The following NKAIN2 variants were observed in gnomAD, a reference collection of about 807,000 sequenced individuals.
NKAIN2 encodes the protein sodium/potassium-transporting ATPase subunit beta-1-interacting protein 2.
NKAIN2 carries 14 observed loss-of-function variants against 32.6 expected under a neutral mutation model. The ratio of observed to expected loss-of-function variants is 0.43; its 90% CI spans 0.28 to 0.67. NKAIN2 has a LOEUF of 0.67. Among genes scored for constraint, NKAIN2 ranks in the 30% least tolerant of loss-of-function variants. NKAIN2 has a pLI of 0.17. For synonymous variants in NKAIN2, 80 were observed against 87.2 expected (o/e 0.92, Z 0.46); for missense variants, 198 against 258.3 (o/e 0.77, Z 1.60).
At chr6:124,798,520 C>T (rs1053399241) in intron 5 of NKAIN2, among the ~76,000 whole-genome samples, 12 of 152,080 alleles carry the variant, frequency 7.9e-5, no homozygotes, top group East Asian at 1.9e-4. Flanking sequence ...AGGCTTTGCA[C>T]GCCACTAATC....
At chr6:124,445,112 A>G (rs1225681943) in intron 3 of NKAIN2, among the ~76,000 whole-genome samples, 2 of 152,046 alleles carry the variant, frequency 1.3e-5, no homozygotes, top group Admixed American at 1.3e-4. Context: ...TTTAAGTTTA[A>G]AAAGTCTTTA....
chr6:124,346,319 G>A (rs571719028), intron 2 of NKAIN2, among the ~76,000 whole-genome samples: 1 of 152,146 alleles, frequency 6.6e-6, no homozygotes, highest in Admixed American at 6.5e-5. Flanking sequence ...TGTTGATTTA[G>A]GGTGGAGAGT....
chr6:124,197,837 GTTTT>G (rs71541243), intron 1 of NKAIN2, among the ~76,000 whole-genome samples: 15 of 94,426 alleles, frequency 1.6e-4, no homozygotes, highest in African/African-American at 4.2e-4. Flanking sequence ...CCTGTGTCTG[GTTTT>G]TTTTTTTTTT....
At chr6:124,775,094 T>G (rs575137472) in intron 4 of NKAIN2, among the ~76,000 whole-genome samples, 1 of 152,174 alleles carries the variant, frequency 6.6e-6, no homozygotes, top group African/African-American at 2.4e-5. Flanking sequence ...CAGTCAATAT[T>G]TGATAATCAA....
In NKAIN2 at chr6:123,856,225, T is replaced by C. The variant is rs1318694172; in HGVS notation, c.54+51971T>C. Among the ~76,000 whole-genome samples the C allele has an allele frequency of 3.9e-5, 6 of 152,236 alleles. No homozygotes were observed. In the East Asian group the frequency reaches 1.2e-3, roughly 29 times the overall value. On this transcript the variant is annotated intron_variant, in intron 1 of 6. Transcript: ENST00000368417. ...GTTTGAGAATTAACTAGAAGTCTCA[T>C]AACTTTCCTGACAGCTTTTTGATCC...
chr6:124,610,834 CT>C (rs963797127), intron 3 of NKAIN2, among the ~76,000 whole-genome samples: 19 of 151,894 alleles, frequency 1.3e-4, no homozygotes, highest in African/African-American at 2.9e-4. Context: ...TATTTTATGA[CT>C]TTTTTTTAAA....
rs181092046 is a variant in NKAIN2, at chr6:123,831,679, G to A, written c.54+27425G>A. ...TTTTTTTGTTTTTTTTTTTTGAGAC[G>A]GAGTTTTGCTCTGTCGCCCAGGCTG... On this transcript the variant is annotated intron_variant, in intron 1 of 6. Transcript: ENST00000368417. Among the ~76,000 whole-genome samples, 45 of 144,786 alleles carry A rather than the reference G, an allele frequency of 3.1e-4. 1 individual carries two copies. The highest frequency in any genetic ancestry group is 1.1e-3 in the African/African-American group (42 of 38,644). 95.0% of individuals were successfully genotyped at this position (144,786 alleles called of 152,430 possible). A position where few individuals can be genotyped will look rare whatever the true frequency, so the allele number is the denominator to read the frequency against.
intron 1 of NKAIN2, among the ~76,000 whole-genome samples, chr6:123,934,807 A>G (rs937310698): frequency 6.6e-6 from 1 of 151,992 alleles, no homozygotes; most frequent in African/African-American, 2.4e-5. Context: ...AATTTAAATA[A>G]AATTAGTAAA....
intron 1 of NKAIN2, among the ~76,000 whole-genome samples, chr6:123,961,097 T>C (rs1426390680): frequency 2.6e-5 from 4 of 152,104 alleles, no homozygotes; most frequent in African/African-American, 9.7e-5. Context: ...TTCAATTCTA[T>C]AGTCTGCAAT....
chr6:123,943,924 T>A (rs1399723745), intron 1 of NKAIN2, among the ~76,000 whole-genome samples: 2 of 152,070 alleles, frequency 1.3e-5, no homozygotes, highest in East Asian at 3.9e-4. Flanking sequence ...TTCACAGAGT[T>A]GTGTTATTGG....
At chr6:124,486,291 G>A (rs1006057446) in intron 3 of NKAIN2, among the ~76,000 whole-genome samples, 13 of 152,052 alleles carry the variant, frequency 8.5e-5, no homozygotes, top group African/African-American at 2.7e-4. Flanking sequence ...TAAATATTTT[G>A]TATATTAAAC....
intron 1 of NKAIN2, among the ~76,000 whole-genome samples, chr6:124,159,309 C>A (rs530174673): frequency 6.6e-6 from 1 of 152,086 alleles, no homozygotes; most frequent in Non-Finnish European, 1.5e-5. Flanking sequence ...ATTGCTATTA[C>A]TAAAGGAAAA....
intron 5 of NKAIN2, among the ~76,000 whole-genome samples, chr6:124,806,132 C>G (rs1179715490): frequency 2.0e-5 from 3 of 152,058 alleles, no homozygotes; most frequent in African/African-American, 7.2e-5. Flanking sequence ...TCAGGAAATA[C>G]AGAGAACACC....
At chr6:124,305,416 C>G (rs1169247774) in intron 2 of NKAIN2, among the ~76,000 whole-genome samples, 1 of 152,134 alleles carries the variant, frequency 6.6e-6, no homozygotes, top group Non-Finnish European at 1.5e-5. Context: ...TCACGACTTA[C>G]TGGATTTAGA....
At chr6:124,687,859 G>A (rs528938649) in intron 4 of NKAIN2, among the ~76,000 whole-genome samples, 1 of 149,788 alleles carries the variant, frequency 6.7e-6, no homozygotes, top group Non-Finnish European at 1.5e-5. Context: ...TGCAATACTG[G>A]AGAGAGGAAT....
intron 1 of NKAIN2, among the ~76,000 whole-genome samples, chr6:123,917,529 C>G (rs532388665): frequency 6.6e-6 from 1 of 152,144 alleles, no homozygotes. Context: ...GCAACTATGT[C>G]GTAGCAATGT....
chr6:124,566,586 GT>G (rs1017412761), intron 3 of NKAIN2, among the ~76,000 whole-genome samples: 4 of 152,082 alleles, frequency 2.6e-5, no homozygotes, highest in African/African-American at 7.2e-5. Context: ...TTACTAAAAT[GT>G]TTTTCTCTGC....
At chr6:123,893,740 C>T (rs929519774) in intron 1 of NKAIN2, among the ~76,000 whole-genome samples, 1 of 152,178 alleles carries the variant, frequency 6.6e-6, no homozygotes, top group African/African-American at 2.4e-5. Context: ...CTTAAAAGTA[C>T]AGATCTATAA....
At chr6:123,820,432 T>G (rs1012314430) in intron 1 of NKAIN2, among the ~76,000 whole-genome samples, 3 of 152,246 alleles carry the variant, frequency 2.0e-5, no homozygotes, top group African/African-American at 7.2e-5. Context: ...GATTTTTAAA[T>G]AAGATGCCTG....
Sources: gnomAD v4.1 joint callset for allele counts (sites outside exome capture counted in the v4.1 genomes callset) on GRCh38, gnomAD v4.1.1 for gene constraint, MANE v1.5 for transcripts, NCBI Gene and HGNC (gene_info 2026-07-23, HGNC 2026-07-21) for gene names.